Variants in RAB38 observed in about 807,000 individuals in gnomAD.
RAB38 encodes the protein RAB38, member RAS oncogene family.
A neutral mutation model predicts 18.4 loss-of-function variants in RAB38; 15 were observed. The ratio of observed to expected loss-of-function variants is 0.82; its 90% confidence interval spans 0.55 to 1.26. The LOEUF (loss-of-function observed/expected upper bound fraction) is 1.26, where lower values mean the gene tolerates loss of function less well. Ranked by LOEUF, RAB38 falls within the 50% of genes most tolerant of loss-of-function variation. The probability of loss-of-function intolerance (pLI) is 0.00; values close to 1 mark genes in which losing one functional copy is unlikely to be tolerated. For missense variants in RAB38, 294 were observed against 267.4 expected (o/e 1.10, Z -0.69); for synonymous variants, 101 against 104.4 (o/e 0.97, Z 0.20).
the RAB38 span, among the ~76,000 whole-genome samples, chr11:88,050,706 T>C: frequency 1.3e-5 from 2 of 152,254 alleles, no homozygotes; most frequent in East Asian, 1.9e-4. Context: ...TCTAAGAATA[T>C]TCTTCTCTGA....
At chr11:88,099,825 A>G in the RAB38 span, among the ~76,000 whole-genome samples, 20 of 151,936 alleles carry the variant, frequency 1.3e-4, no homozygotes, top group African/African-American at 4.8e-4. Flanking sequence ...GCTTGGTGAT[A>G]TTTAAATTTC....
At chr11:88,048,609 G>A in the RAB38 span, among the ~76,000 whole-genome samples, 2 of 151,956 alleles carry the variant, frequency 1.3e-5, no homozygotes, top group African/African-American at 4.8e-5. Context: ...TTTTTATTAG[G>A]CCCCAACCTC....
At chr11:87,922,578 A>G in the RAB38 span, among the ~76,000 whole-genome samples, 1 of 151,920 alleles carries the variant, frequency 6.6e-6, no homozygotes, top group African/African-American at 2.4e-5. Context: ...AAAAATATAT[A>G]TAATTGAGTC....
the RAB38 span, among the ~76,000 whole-genome samples, chr11:87,957,308 A>AC: frequency 8.7e-5 from 13 of 148,682 alleles, no homozygotes; most frequent in African/African-American, 3.0e-4. Flanking sequence ...CTCTCCCCTC[A>AC]CCCCCCATAG....
chr11:87,902,708 G>T, the RAB38 span, among the ~76,000 whole-genome samples: 2,703 of 151,342 alleles, frequency 0.018, 94 homozygotes, highest in African/African-American at 0.061. Flanking sequence ...ATATGTTATT[G>T]TTTTCAGTGT....
chr11:88,090,180 C>T, the RAB38 span, among the ~76,000 whole-genome samples: 5,956 of 151,956 alleles, frequency 0.039, 188 homozygotes, highest in East Asian at 0.15. Context: ...TGTAAAATAG[C>T]GTTATAATTA....
the RAB38 span, among the ~76,000 whole-genome samples, chr11:87,937,018 G>A: frequency 0.011 from 1,732 of 152,048 alleles, 30 homozygotes; most frequent in African/African-American, 0.035. Context: ...TTGAATAAGA[G>A]TGGTTAGAAT....
At chr11:87,827,355 TTC>T in the RAB38 span, among the ~76,000 whole-genome samples, 1 of 151,972 alleles carries the variant, frequency 6.6e-6, no homozygotes, top group African/African-American at 2.4e-5. Context: ...CTAGGTTTGA[TTC>T]TCTCTCATTA....
the RAB38 span, among the ~76,000 whole-genome samples, chr11:88,041,294 T>C: frequency 6.6e-6 from 1 of 152,338 alleles, no homozygotes; most frequent in South Asian, 2.1e-4. Context: ...TTCCCCTCTG[T>C]AATAGTGAGC....
chr11:87,907,656 T>C, the RAB38 span, among the ~76,000 whole-genome samples: 1 of 151,648 alleles, frequency 6.6e-6, no homozygotes, highest in Non-Finnish European at 1.5e-5. Context: ...TTTCTAGTAT[T>C]TAAATATTTT....
chr11:87,882,170 G>T, the RAB38 span, among the ~76,000 whole-genome samples: 2 of 151,772 alleles, frequency 1.3e-5, no homozygotes, highest in Non-Finnish European at 2.9e-5. Context: ...ATCCTTGATT[G>T]CCTCTGGCCC....
the RAB38 span, chr11:87,816,968 GAATC>G: frequency 6.6e-6 from 1 of 152,028 alleles, no homozygotes; most frequent in East Asian, 1.9e-4. Context: ...CATTCTATAT[GAATC>G]AATTATTAGG....
intron 2 of RAB38, among the ~76,000 whole-genome samples, chr11:88,114,826 T>TAC (rs1942527026): frequency 6.6e-6 from 1 of 152,228 alleles, no homozygotes. Context: ...TAGAGGCAAG[T>TAC]ATCCCAATCA....
the RAB38 span, chr11:87,880,124 T>C: frequency 1.3e-5 from 2 of 151,900 alleles, no homozygotes; most frequent in South Asian, 4.1e-4. Context: ...ATCCGTATTT[T>C]CTATACTTGT....
chr11:87,933,482 C>A, the RAB38 span, among the ~76,000 whole-genome samples: 1 of 152,056 alleles, frequency 6.6e-6, no homozygotes, highest in Non-Finnish European at 1.5e-5. Flanking sequence ...CAAAGTAGGT[C>A]TGCCAGAGAA....
rs1488347546 is a variant in RAB38 at position 88,175,138 on chromosome 11, G to C, written c.202+45C>G. 3.3e-6 allele frequency: 5 copies of C among 1,506,332 alleles called. No individual in the cohort carries two copies. In the African/African-American group the frequency reaches 6.9e-5, roughly 21 times the overall value. 93.3% of individuals were successfully genotyped at this position (1,506,332 alleles called of 1,614,324 possible). On this transcript the variant is annotated intron_variant, in intron 1 of 2. Transcript: ENST00000243662. The stretch of plus-strand genomic sequence containing the variant: ...GCCGCTGCCTCGAGACTGGAAACCG[G>C]CCGCGAGGCGCTCTATCCCCCTGAC...
chr11:88,077,632 T>G, the RAB38 span, among the ~76,000 whole-genome samples: 1 of 152,222 alleles, frequency 6.6e-6, no homozygotes, highest in East Asian at 1.9e-4. Context: ...GTTCCCTATA[T>G]ACAAAAGTCA....
At chr11:88,029,598 G>C in the RAB38 span, among the ~76,000 whole-genome samples, 1 of 152,064 alleles carries the variant, frequency 6.6e-6, no homozygotes, top group African/African-American at 2.4e-5. Flanking sequence ...TGATAAAACA[G>C]ACTTTAAACC....
At chr11:87,857,233 T>G in the RAB38 span, among the ~76,000 whole-genome samples, 1 of 152,242 alleles carries the variant, frequency 6.6e-6, no homozygotes, top group Non-Finnish European at 1.5e-5. Context: ...GTGATGCATA[T>G]ATGCCACATT....
Sources: allele counts gnomAD v4.1 joint callset (sites outside exome capture counted in the v4.1 genomes callset), GRCh38; gene constraint gnomAD v4.1.1; transcripts MANE v1.5; gene names NCBI Gene and HGNC (gene_info 2026-07-23, HGNC 2026-07-21).